Variants in DCHS2 observed in about 807,000 individuals in gnomAD.
The protein encoded by DCHS2 is dachsous cadherin-related 2.
A neutral mutation model predicts 182.4 loss-of-function variants in DCHS2; 142 were observed. The ratio of observed to expected loss-of-function variants is 0.78; its 90% CI spans 0.68 to 0.89. DCHS2 has a LOEUF of 0.89. Among genes scored for constraint, DCHS2 ranks in the 40% least tolerant of loss-of-function variants. DCHS2 has a pLI of 0.00. For missense variants in DCHS2, 4,319 were observed against 4,198.6 expected (o/e 1.03, Z -0.79); for synonymous variants, 1,740 against 1,663.3 (o/e 1.05, Z -1.12).
intron 13 of DCHS2, among the ~76,000 whole-genome samples, chr4:154,291,570 A>T (rs2111261864): frequency 6.6e-6 from 1 of 152,314 alleles, no homozygotes; most frequent in East Asian, 1.9e-4. Flanking sequence ...CTGAACGGAT[A>T]AAGAAAATGT....
intron 15 of DCHS2, among the ~76,000 whole-genome samples, chr4:154,256,578 C>T (rs1349482241): frequency 6.6e-6 from 1 of 152,166 alleles, no homozygotes; most frequent in Non-Finnish European, 1.5e-5. Flanking sequence ...CATTCTCCAT[C>T]ATTTTGCAAT....
Position 154,235,979 on chromosome 4 carries a change from T to C in DCHS2, c.8673A>G (p.Glu2891=). Residue 2891 remains glutamate, a synonymous_variant, in exon 20 of 20, where the codon GAA becomes GAG. Transcript: ENST00000357232. The part of the protein sequence containing the change: ...TQDQYFFTLP[E]KNKDRQLIGR... ...CAATCAACTGTCTGTCTTTATTCTTTTCTGGGAGGGTGAAAAAATACTGAT... is the reference window on the plus strand; with the variant it reads ...CAATCAACTGTCTGTCTTTATTCTTCTCTGGGAGGGTGAAAAAATACTGAT... 1 of 1,614,038 alleles carries C rather than the reference T, an allele frequency of 6.2e-7. No homozygotes were observed. Among genetic ancestry groups the C allele is most frequent in the Non-Finnish European group, 8.5e-7 (1 of 1,179,952 alleles).
chr4:154,427,394 A>T (rs1397631797), intron 1 of DCHS2, among the ~76,000 whole-genome samples: 1 of 152,214 alleles, frequency 6.6e-6, no homozygotes, highest in African/African-American at 2.4e-5. Flanking sequence ...TGACCAATCT[A>T]ACAGCTCTAA....
At chr4:154,362,127 G>A (rs1021188586) in intron 3 of DCHS2, among the ~76,000 whole-genome samples, 2 of 152,144 alleles carry the variant, frequency 1.3e-5, no homozygotes, top group Non-Finnish European at 1.5e-5. Context: ...AAATTAAAAG[G>A]TGTTGAGACT....
At position 154,328,329 on chromosome 4, in the gene DCHS2, C is replaced by T. The variant is rs997858076; in HGVS notation, c.3919-137G>A. 3 of 550,716 alleles carry T rather than the reference C, an allele frequency of 5.4e-6. No individual in the cohort carries two copies. The Admixed American group carries it at 1.1e-4, about 21-fold the overall frequency. The allele number at this position is 550,716 out of a possible 1,614,324, so 34.1% of individuals were successfully genotyped here. A position where few individuals can be genotyped will look rare whatever the true frequency, so the allele number is the denominator to read the frequency against. On this transcript the variant is annotated intron_variant, in intron 6 of 19. Transcript: ENST00000357232. Reference sequence around the variant, plus strand: ...AATCCACATATAATTCAAATGCATACCATGTAAAAGTTATATGGGTGTATG... The same window carrying T: ...AATCCACATATAATTCAAATGCATATCATGTAAAAGTTATATGGGTGTATG...
chr4:154,486,462 T>C (rs777385038), intron 1 of DCHS2: 3 of 1,304,638 alleles, frequency 2.3e-6, no homozygotes, highest in Non-Finnish European at 3.0e-6. Context: ...ATTTTGTTTT[T>C]CCTGTATTTC....
At chr4:154,379,821 A>T (rs2110814784) in intron 1 of DCHS2, among the ~76,000 whole-genome samples, 1 of 152,238 alleles carries the variant, frequency 6.6e-6, no homozygotes, top group African/African-American at 2.4e-5. Context: ...CTTCTCCTTC[A>T]TCCTGTTCCA....
At chr4:154,415,023 C>A (rs916478154) in intron 1 of DCHS2, among the ~76,000 whole-genome samples, 7 of 152,184 alleles carry the variant, frequency 4.6e-5, no homozygotes, top group African/African-American at 2.4e-5. Flanking sequence ...AAAAGGTTCA[C>A]CCCTGTAACA....
intron 1 of DCHS2, among the ~76,000 whole-genome samples, chr4:154,436,662 G>A (rs930661190): frequency 6.6e-6 from 1 of 152,094 alleles, no homozygotes; most frequent in Non-Finnish European, 1.5e-5. Flanking sequence ...ACATGAAGTA[G>A]GAACCAGCAT....
intron 13 of DCHS2, 54 bp from the exon 14 acceptor site, chr4:154,270,067 A>C (rs1578888650): frequency 6.5e-7 from 1 of 1,543,920 alleles, no homozygotes; most frequent in East Asian, 2.3e-5. Context: ...ATTTCATGGA[A>C]ACACAAGAGA....
At position 154,232,129 on chromosome 4, in the gene DCHS2, T is replaced by G. The variant is rs1467238802; in HGVS notation, c.*2407A>C. On this transcript the variant is annotated 3_prime_UTR_variant, in exon 20 of 20. Coordinates refer to ENST00000357232, the MANE Select transcript of DCHS2 (RefSeq NM_001358235.2). ...AACAAGTTCTGTACCCCCTCCAGAG[T>G]GCTAAAGCCAGTGCATAGATCAGCA... 1 of 152,106 alleles carries G rather than the reference T, an allele frequency of 6.6e-6. No homozygotes were observed. The highest frequency in any genetic ancestry group is 1.5e-5 in the Non-Finnish European group (1 of 68,006). The allele number at this position is 152,106 out of a possible 1,614,324, so 9.4% of individuals were successfully genotyped here. A position where few individuals can be genotyped will look rare whatever the true frequency, so the allele number is the denominator to read the frequency against.
intron 13 of DCHS2, among the ~76,000 whole-genome samples, chr4:154,271,783 A>G (rs1028549294): frequency 3.3e-5 from 5 of 152,202 alleles, no homozygotes; most frequent in African/African-American, 1.2e-4. Context: ...TTTACATACA[A>G]TAATCTGTAC....
Position 154,377,333 on chromosome 4 carries a change from C to T in DCHS2, c.2164G>A (p.Gly722Arg). 2 of 1,613,680 alleles carry T rather than the reference C, an allele frequency of 1.2e-6. No homozygotes were observed. The highest frequency in any genetic ancestry group is 1.7e-6 in the Non-Finnish European group (2 of 1,179,760). Residue 722 changes from glycine to arginine, a missense_variant, in exon 2 of 20, where the codon GGG becomes AGG. By Grantham distance (125) the Gly-to-Arg change is moderately radical. Coordinates refer to ENST00000357232, the MANE Select transcript of DCHS2 (RefSeq NM_001358235.2). ...PQAFRIDPHD[G>R]QICVSQDIDR... is the part of the protein sequence containing the mutation. The stretch of plus-strand genomic sequence containing the variant: ...ATATCTTGAGAAACACAGATTTGCC[C>T]ATCATGAGGGTCGATCCGGAATGCC...
intron 17 of DCHS2, among the ~76,000 whole-genome samples, chr4:154,241,655 G>T (rs866987643): frequency 6.6e-6 from 1 of 152,014 alleles, no homozygotes; most frequent in African/African-American, 2.4e-5. Context: ...CAACCACACC[G>T]TACCCTATTC....
Position 154,382,537 on chromosome 4 carries a change from T to A in DCHS2, c.2053-5093A>T, listed in dbSNP as rs891554435. Among the ~76,000 whole-genome samples, 2 of 151,664 alleles carry A rather than the reference T, an allele frequency of 1.3e-5. 1 individual carries two copies. The highest frequency in any genetic ancestry group is 2.9e-5 in the Non-Finnish European group (2 of 67,904). Reference sequence around the variant, plus strand: ...AGAGCTTCTGCACAGTATAAGAAAATCCCAACAGAGTAAACAGACAACCCC... The same window carrying A: ...AGAGCTTCTGCACAGTATAAGAAAAACCCAACAGAGTAAACAGACAACCCC... On this transcript the variant is annotated intron_variant, in intron 1 of 19. Coordinates refer to ENST00000357232, the MANE Select transcript of DCHS2 (RefSeq NM_001358235.2).
intron 13 of DCHS2, among the ~76,000 whole-genome samples, chr4:154,295,154 A>T (rs1055814709): frequency 2.0e-5 from 3 of 152,232 alleles, no homozygotes; most frequent in Admixed American, 2.0e-4. Flanking sequence ...TTGTGCCTGT[A>T]TGGCTGAGGG....
intron 1 of DCHS2, among the ~76,000 whole-genome samples, chr4:154,403,710 T>G (rs1188165934): frequency 6.6e-6 from 1 of 152,196 alleles, no homozygotes; most frequent in Admixed American, 6.5e-5. Context: ...TTGTCTGACA[T>G]TAGTACCAGT....
chr4:154,427,675 A>C (rs1244525131), intron 1 of DCHS2, among the ~76,000 whole-genome samples: 1 of 152,248 alleles, frequency 6.6e-6, no homozygotes. Flanking sequence ...AAGGGGATCC[A>C]AGACAGAGTG....
intron 16 of DCHS2, among the ~76,000 whole-genome samples, chr4:154,244,131 A>G (rs988169281): frequency 1.3e-5 from 2 of 152,236 alleles, no homozygotes; most frequent in African/African-American, 2.4e-5. Flanking sequence ...TTCTTCTGCC[A>G]TAGCAATCAT....
Sources: gnomAD v4.1 joint callset for allele counts (sites outside exome capture counted in the v4.1 genomes callset) on GRCh38, gnomAD v4.1.1 for gene constraint, MANE v1.5 for transcripts, NCBI Gene and HGNC (gene_info 2026-07-23, HGNC 2026-07-21) for gene names.